POLR2B: variants seen among roughly 807,000 people sequenced by gnomAD.
POLR2B encodes the protein DNA-directed RNA polymerase II subunit RPB2.
A neutral mutation model predicts 144.6 loss-of-function variants in POLR2B; 57 were observed. That is an observed-to-expected ratio of 0.39 (90% CI 0.32 to 0.49). POLR2B has a LOEUF of 0.49. Among genes scored for constraint, POLR2B ranks in the 20% least tolerant of loss-of-function variants. The pLI is 0.83. For synonymous variants in POLR2B, 442 were observed against 469.8 expected (o/e 0.94, Z 0.77); for missense variants, 595 against 1,467.4 (o/e 0.41, Z 9.71).
intron 10 of POLR2B, among the ~76,000 whole-genome samples, chr4:57,007,487 G>A (rs1723059813): frequency 6.6e-6 from 1 of 152,096 alleles, no homozygotes; most frequent in Admixed American, 6.5e-5. Context: ...TTAGCTATTA[G>A]TATTACTAAG....
chr4:57,011,223 T>A, intron 13 of POLR2B, 123 bp downstream of exon 13: 1 of 683,934 alleles, frequency 1.5e-6, no homozygotes, highest in Non-Finnish European at 2.6e-6. Context: ...CTGTAAAGTG[T>A]AAATTTAATT....
intron 9 of POLR2B, 143 bp from the exon 10 acceptor site, chr4:57,006,673 T>C (rs1723028319): frequency 1.6e-6 from 1 of 632,970 alleles, no homozygotes; most frequent in Non-Finnish European, 2.8e-6. Context: ...ATCTGTGCTT[T>C]AGACATAAAA....
At position 57,023,241 on chromosome 4, in the gene POLR2B, G is replaced by A. The variant is rs1723609176; in HGVS notation, c.2516-89G>A. 3 of 1,267,704 alleles carry A rather than the reference G, an allele frequency of 2.4e-6. No individual in the cohort carries two copies. The highest frequency in any genetic ancestry group is 3.4e-6 in the Non-Finnish European group (3 of 889,166). 78.5% of individuals were successfully genotyped at this position (1,267,704 alleles called of 1,614,324 possible). On this transcript the variant is annotated intron_variant, in intron 18 of 24. Coordinates refer to ENST00000314595, the MANE Select transcript of POLR2B (RefSeq NM_000938.3). This position sits in a 1 kb window ranked among gnomAD's most constrained non-coding sequence, Gnocchi z 4.3. ...GATTCATGGTATAGAGACTCCTGTG[G>A]CCTTCTCTCTGACTTGGAACTGATT...
chr4:56,979,120 C>G lies in POLR2B; in HGVS notation c.19+116C>G, dbSNP rs1578548816. On this transcript the variant is annotated intron_variant, in intron 1 of 24. Transcript: ENST00000314595. Reference sequence around the variant, plus strand: ...ATGCGCCGGCTGCACAGTCCCCAGCCTTGTTCCCACACTTACCAGGCCGGG... The same window carrying G: ...ATGCGCCGGCTGCACAGTCCCCAGCGTTGTTCCCACACTTACCAGGCCGGG... The G allele has an allele frequency of 2.8e-6, 3 of 1,064,836 alleles. No individual in the cohort carries two copies. In the East Asian group the frequency reaches 7.1e-5, roughly 25 times the overall value. The allele number at this position is 1,064,836 out of a possible 1,614,324, so 66.0% of individuals were successfully genotyped here.
rs55911542 is a variant in POLR2B, at chr4:57,021,029, A to G, written c.2420+34A>G. 3.7e-4 allele frequency: 398 copies of G among 1,076,940 alleles called. 1 individual carries two copies. In the East Asian group the frequency reaches 7.7e-3, roughly 21 times the overall value. 66.7% of individuals were successfully genotyped at this position (1,076,940 alleles called of 1,614,324 possible). On this transcript the variant is annotated intron_variant, in intron 17 of 24. Transcript: ENST00000314595. Reference sequence around the variant, plus strand: ...TTTGTAAATTTGTCAAAACACAGATACAGTGGAAACACTAATTTTTTATGC... The same window carrying G: ...TTTGTAAATTTGTCAAAACACAGATGCAGTGGAAACACTAATTTTTTATGC...
intron 1 of POLR2B, among the ~76,000 whole-genome samples, chr4:56,981,680 C>T (rs1722161335): frequency 6.6e-6 from 1 of 152,206 alleles, no homozygotes; most frequent in Non-Finnish European, 1.5e-5. Flanking sequence ...TTCTGTCATC[C>T]ACATGGAAAC....
intron 9 of POLR2B, 84 bp from the exon 10 acceptor site, chr4:57,006,732 C>T (rs761454675): frequency 2.2e-5 from 25 of 1,123,008 alleles, no homozygotes; most frequent in African/African-American, 4.7e-5. Context: ...ACCTTCCCCA[C>T]GCTTTTTTTT....
At chr4:57,016,753 T>G (rs1346247566) in intron 14 of POLR2B, among the ~76,000 whole-genome samples, 1 of 149,980 alleles carries the variant, frequency 6.7e-6, no homozygotes, top group East Asian at 1.9e-4. Context: ...TTTAAAAAAT[T>G]GCCCTCCAAT....
intron 21 of POLR2B, 55 bp from the exon 22 acceptor site, chr4:57,024,829 CTT>C (rs1723663846): frequency 2.4e-6 from 2 of 843,354 alleles, no homozygotes; most frequent in Admixed American, 4.6e-5. Flanking sequence ...ATTGATATGA[CTT>C]TTAGGGGGAG....
chr4:57,030,510 A>G (rs1723881823), intron 24 of POLR2B, 111 bp downstream of exon 24: 1 of 707,512 alleles, frequency 1.4e-6, no homozygotes. Flanking sequence ...CACAATTTTG[A>G]TAGCATGCTT....
At chr4:56,997,360 C>T (rs1381854094) in intron 6 of POLR2B, among the ~76,000 whole-genome samples, 2 of 151,722 alleles carry the variant, frequency 1.3e-5, no homozygotes, top group East Asian at 1.9e-4. Context: ...CTGGCCCAAG[C>T]GATTCTCGTA....
intron 16 of POLR2B, among the ~76,000 whole-genome samples, chr4:57,018,379 T>C (rs1453541915): frequency 6.6e-6 from 1 of 152,166 alleles, no homozygotes; most frequent in Non-Finnish European, 1.5e-5. Context: ...TGAAAAAGAA[T>C]GATGGGTAAG....
At chr4:57,016,994 T>G in intron 14 of POLR2B, 49 bp from the exon 15 acceptor site, 3 of 1,012,426 alleles carry the variant, frequency 3.0e-6, no homozygotes, top group African/African-American at 1.6e-5. Flanking sequence ...GGAGGAATAG[T>G]TAGTTAAAAT....
In POLR2B at chr4:56,994,451, C is replaced by G; in HGVS notation, c.291C>G (p.Thr97=). Residue 97 remains threonine, a synonymous_variant, in exon 4 of 25, where the codon ACC becomes ACG. Coordinates refer to ENST00000314595, the MANE Select transcript of POLR2B (RefSeq NM_000938.3). ...KFEQIYLSKP[T]HWERDGAPSP... is the part of the protein sequence containing the mutation. ...AACAAATTTATCTTTCCAAGCCTAC[C>G]CATTGGGAAAGAGATGGTGCTCCTT... 6.2e-7 allele frequency: 1 copy of G among 1,608,980 alleles called. No homozygotes were observed.
chr4:57,027,452 T>C (rs549440134), intron 23 of POLR2B, among the ~76,000 whole-genome samples: 40 of 152,256 alleles, frequency 2.6e-4, no homozygotes, highest in African/African-American at 8.2e-4. Flanking sequence ...ACTACAGGCA[T>C]GCACCACCAA....
chr4:56,996,206 A>ATATGTGTGTGTGTGTGTGTGTG (rs71889513), intron 6 of POLR2B, among the ~76,000 whole-genome samples: 10 of 115,344 alleles, frequency 8.7e-5, no homozygotes, highest in Non-Finnish European at 1.5e-4. Context: ...ATTTCAGTTC[A>ATATGTGTGTGTGTGTGTGTGTG]TGTGTGTGTG....
chr4:56,983,206 A>G (rs1722209775), intron 1 of POLR2B, among the ~76,000 whole-genome samples: 2 of 152,134 alleles, frequency 1.3e-5, no homozygotes, highest in African/African-American at 4.8e-5. Context: ...CTTCCGCTAC[A>G]TTGGCCTTCT....
At chr4:56,983,532 C>A (rs1722225380) in intron 1 of POLR2B, among the ~76,000 whole-genome samples, 1 of 151,774 alleles carries the variant, frequency 6.6e-6, no homozygotes, top group Non-Finnish European at 1.5e-5. Flanking sequence ...CCACCATGCC[C>A]TTCTAATTTT....
At position 57,020,943 on chromosome 4, in the gene POLR2B, C is replaced by T. The variant is rs758878249; in HGVS notation, c.2368C>T (p.Gln790Ter). 6.2e-7 allele frequency: 1 copy of T among 1,607,678 alleles called. No homozygotes were observed. Among genetic ancestry groups the T allele is most frequent in the Non-Finnish European group, 8.5e-7 (1 of 1,174,078 alleles). The stretch of plus-strand genomic sequence containing the variant: ...CATTGCATCATACACTGGATATAAT[C>T]AGGAAGACTCTGTTATCATGAATCG... ...VAIASYTGYN[Q>*]EDSVIMNRSA... The change falls in exon 17 of 25, where the codon CAG becomes TAG. Residue 790 changes from glutamine (Q) to a stop codon, truncating the protein, a stop_gained. Coordinates refer to ENST00000314595, the MANE Select transcript of POLR2B (RefSeq NM_000938.3). LOFTEE classifies it high-confidence loss of function.
Sources: gnomAD v4.1 joint callset for allele counts (sites outside exome capture counted in the v4.1 genomes callset) on GRCh38, gnomAD v4.1.1 for gene constraint, Gnocchi (gnomAD v3.1) non-coding constraint, MANE v1.5 for transcripts, NCBI Gene and HGNC (gene_info 2026-07-23, HGNC 2026-07-21) for gene names.